EIF2AK4: variants seen among roughly 807,000 people sequenced by gnomAD.
EIF2AK4 encodes eukaryotic translation initiation factor 2 alpha kinase 4, also known as eIF-2-alpha kinase GCN2.
EIF2AK4 carries 139 observed loss-of-function variants against 211.1 expected under a neutral mutation model. The observed-to-expected ratio is 0.66, with a 90% CI of 0.57 to 0.76. The LOEUF is 0.76. Among genes scored for constraint, EIF2AK4 ranks in the 30% least tolerant of loss-of-function variants. The pLI, the probability that EIF2AK4 is intolerant of heterozygous loss-of-function variation, is 0.00. For missense variants in EIF2AK4, 1,664 were observed against 2,043.8 expected (o/e 0.81, Z 3.58); for synonymous variants, 710 against 751.3 (o/e 0.94, Z 0.90).
intron 18 of EIF2AK4, 106 bp downstream of exon 18, chr15:39,992,954 C>A: frequency 9.5e-7 from 1 of 1,054,590 alleles, no homozygotes; most frequent in Non-Finnish European, 1.5e-6. Context: ...GACATCCACT[C>A]ATTCACACTC....
chr15:39,965,651 G>T (rs1595551426), intron 7 of EIF2AK4, 35 bp from the exon 8 acceptor site: 4 of 1,609,670 alleles, frequency 2.5e-6, no homozygotes, highest in Non-Finnish European at 2.5e-6. Flanking sequence ...AAACATACCA[G>T]TGGGATTTAA....
intron 19 of EIF2AK4, among the ~76,000 whole-genome samples, chr15:39,997,439 A>T (rs2035032432): frequency 2.0e-5 from 3 of 152,184 alleles, no homozygotes; most frequent in Admixed American, 2.0e-4. Flanking sequence ...TCTTACCTGG[A>T]GAAATTGCTA....
chr15:40,017,277 T>G (rs750438202), intron 29 of EIF2AK4, 35 bp downstream of exon 29: 2 of 1,569,074 alleles, frequency 1.3e-6, no homozygotes, highest in Admixed American at 3.6e-5. Flanking sequence ...TGCTCTGACT[T>G]AATTTTATTT....
chr15:40,000,867 C>T (rs1177518490), intron 20 of EIF2AK4, 121 bp from the exon 21 acceptor site: 1 of 931,916 alleles, frequency 1.1e-6, no homozygotes, highest in African/African-American at 1.6e-5. Flanking sequence ...TTCAGAATGT[C>T]AGTTAAGTGC....
chr15:39,976,900 T>TC (rs2034705380), intron 12 of EIF2AK4, 56 bp downstream of exon 12: 2 of 1,390,966 alleles, frequency 1.4e-6, no homozygotes, highest in South Asian at 1.6e-5. Context: ...TTCCTTTCTT[T>TC]ATTTTTTTTT....
intron 32 of EIF2AK4, among the ~76,000 whole-genome samples, chr15:40,023,827 T>C (rs889641482): frequency 9.9e-5 from 15 of 152,248 alleles, no homozygotes; most frequent in African/African-American, 3.6e-4. Flanking sequence ...TATTTTGGAT[T>C]TAGTTTATTC....
chr15:40,033,126 A>T (rs1423224635), intron 37 of EIF2AK4, among the ~76,000 whole-genome samples: 1 of 152,216 alleles, frequency 6.6e-6, no homozygotes, highest in Non-Finnish European at 1.5e-5. Context: ...TAACTCATTT[A>T]ATCATTACCA....
chr15:39,959,488 A>G (rs2140908342), intron 6 of EIF2AK4, among the ~76,000 whole-genome samples: 1 of 152,246 alleles, frequency 6.6e-6, no homozygotes, highest in South Asian at 2.1e-4. Flanking sequence ...TCTTACTTTC[A>G]CTTTTATCTC....
intron 9 of EIF2AK4, among the ~76,000 whole-genome samples, chr15:39,971,362 A>G (rs2034622366): frequency 6.6e-6 from 1 of 152,108 alleles, no homozygotes; most frequent in African/African-American, 2.4e-5. Flanking sequence ...CATATCTACT[A>G]AAAAGACAAA....
At chr15:39,947,843 A>C (rs2034250585) in intron 3 of EIF2AK4, among the ~76,000 whole-genome samples, 1 of 152,242 alleles carries the variant, frequency 6.6e-6, no homozygotes, top group Non-Finnish European at 1.5e-5. Flanking sequence ...CTTTTCATCC[A>C]GTCTTAGAAG....
intron 14 of EIF2AK4, 147 bp from the exon 15 acceptor site, chr15:39,987,835 TC>T (rs1295804680): frequency 1.3e-6 from 1 of 781,332 alleles, no homozygotes; most frequent in Non-Finnish European, 1.9e-6. Context: ...ACTGTTGGTT[TC>T]TTTTTCGTGT....
intron 9 of EIF2AK4, among the ~76,000 whole-genome samples, chr15:39,972,510 T>C (rs1276823460): frequency 1.3e-5 from 2 of 152,168 alleles, no homozygotes; most frequent in Non-Finnish European, 2.9e-5. Flanking sequence ...GCACCAACTC[T>C]CTGATTTGCT....
intron 8 of EIF2AK4, among the ~76,000 whole-genome samples, 163 bp downstream of exon 8, chr15:39,966,006 C>G (rs943100197): frequency 2.0e-5 from 3 of 152,142 alleles, no homozygotes; most frequent in African/African-American, 7.2e-5. Context: ...CCTCTTTGCC[C>G]CTTGCCTCTG....
At chr15:40,002,351 A>G (rs760494217) in intron 21 of EIF2AK4, 3 of 179,884 alleles carry the variant, frequency 1.7e-5, no homozygotes, top group Non-Finnish European at 3.5e-5. Flanking sequence ...TCACCTTGGT[A>G]TGTGGGAGGG....
chr15:39,990,941 C>T (rs1220702581), intron 16 of EIF2AK4, among the ~76,000 whole-genome samples: 2 of 152,136 alleles, frequency 1.3e-5, no homozygotes, highest in Non-Finnish European at 2.9e-5. Flanking sequence ...TGTCGGAAGA[C>T]CAGCATACTG....
chr15:39,979,059 T>C (rs192786068), intron 13 of EIF2AK4, among the ~76,000 whole-genome samples: 4 of 152,366 alleles, frequency 2.6e-5, no homozygotes, highest in Admixed American at 2.6e-4. Context: ...AGTCTGTGCC[T>C]GGTAATTTCA....
intron 2 of EIF2AK4, among the ~76,000 whole-genome samples, chr15:39,941,895 A>C (rs1440082278): frequency 6.6e-6 from 1 of 152,256 alleles, no homozygotes; most frequent in Non-Finnish European, 1.5e-5. Flanking sequence ...CTATTCAGGT[A>C]AATCTTAATG....
chr15:40,027,845 C>T lies in EIF2AK4; in HGVS notation c.4503-1561C>T, dbSNP rs4924408. ...GGTGGAGCTTGCAGTGAGTGGAGATCGTGGACTGCACTCCAGCCTGGGTGA... is the reference window on the plus strand; with the variant it reads ...GGTGGAGCTTGCAGTGAGTGGAGATTGTGGACTGCACTCCAGCCTGGGTGA... On this transcript the variant is annotated intron_variant, in intron 33 of 38. Transcript: ENST00000263791. 6.2e-3 allele frequency among the ~76,000 whole-genome samples: 934 copies of T among 150,730 alleles called. 11 individuals are homozygous for T. The highest frequency in any genetic ancestry group is 8.4e-3 in the Non-Finnish European group (566 of 67,672).
intron 9 of EIF2AK4, 54 bp downstream of exon 9, chr15:39,967,933 G>A (rs944797840): frequency 5.8e-6 from 9 of 1,547,756 alleles, no homozygotes; most frequent in African/African-American, 1.4e-5. Flanking sequence ...ACTTTTGATT[G>A]TGCTGGAGTG....
Sources: allele counts gnomAD v4.1 joint callset (sites outside exome capture counted in the v4.1 genomes callset), GRCh38; gene constraint gnomAD v4.1.1; transcripts MANE v1.5; gene names NCBI Gene and HGNC (gene_info 2026-07-23, HGNC 2026-07-21).